The following SLC24A2 variants were observed in gnomAD, a reference collection of about 807,000 sequenced individuals.
SLC24A2 encodes sodium/potassium/calcium exchanger 2.
SLC24A2 carries 36 observed loss-of-function variants against 62.0 expected under a neutral mutation model. The ratio of observed to expected loss-of-function variants is 0.58; its 90% confidence interval spans 0.44 to 0.77. The LOEUF is 0.77. Among genes scored for constraint, SLC24A2 ranks in the 30% least tolerant of loss-of-function variants. The pLI is 0.00. For missense variants in SLC24A2, 846 were observed against 817.9 expected (o/e 1.03, Z -0.42); for synonymous variants, 358 against 294.0 (o/e 1.22, Z -2.23).
the SLC24A2 span, among the ~76,000 whole-genome samples, chr9:20,121,266 C>A: frequency 6.6e-6 from 1 of 151,586 alleles, no homozygotes; most frequent in Non-Finnish European, 1.5e-5. Flanking sequence ...GTATAGCTGT[C>A]ATTTACCTAG....
intron 8 of SLC24A2, among the ~76,000 whole-genome samples, chr9:19,540,375 T>G (rs1834190961): frequency 1.4e-5 from 2 of 146,250 alleles, no homozygotes; most frequent in African/African-American, 5.2e-5. Context: ...AGTGCTTCCT[T>G]CAGGAGCTCT....
rs979731275 is a variant in SLC24A2 at position 19,509,545 on chromosome 9, G to A, written c.*6608C>T. ...TGTCTCTTATGAAGTACTATAAAGTGCAATATTAAAAAATTAAAAAACCCA... is the reference window on the plus strand; with the variant it reads ...TGTCTCTTATGAAGTACTATAAAGTACAATATTAAAAAATTAAAAAACCCA... On this transcript the variant is annotated 3_prime_UTR_variant, in exon 11 of 11. Coordinates refer to ENST00000341998, the MANE Select transcript of SLC24A2 (RefSeq NM_020344.4). The A allele has an allele frequency of 2.6e-5, 4 of 152,046 alleles. No individual in the cohort carries two copies. Among genetic ancestry groups the A allele is most frequent in the African/African-American group, 9.7e-5 (4 of 41,398 alleles). 9.4% of individuals were successfully genotyped at this position (152,046 alleles called of 1,614,324 possible).
At chr9:20,098,405 T>C in the SLC24A2 span, among the ~76,000 whole-genome samples, 27 of 152,194 alleles carry the variant, frequency 1.8e-4, no homozygotes, top group African/African-American at 6.5e-4. Flanking sequence ...TTCAAAGAAA[T>C]AGAATCAAGA....
At chr9:19,928,700 A>G in the SLC24A2 span, 2 of 152,340 alleles carry the variant, frequency 1.3e-5, no homozygotes, top group East Asian at 3.9e-4. Flanking sequence ...TTTATAAGGT[A>G]GGCATTGCAC....
At chr9:19,693,677 CT>C (rs1387111557) in intron 2 of SLC24A2, among the ~76,000 whole-genome samples, 1 of 152,084 alleles carries the variant, frequency 6.6e-6, no homozygotes, top group Non-Finnish European at 1.5e-5. Context: ...CCTGTCCCTC[CT>C]AAAAGGTCAG....
chr9:20,236,865 G>A, the SLC24A2 span, among the ~76,000 whole-genome samples: 7 of 152,010 alleles, frequency 4.6e-5, no homozygotes, highest in Non-Finnish European at 8.8e-5. Context: ...TATCTGAAAG[G>A]TATGTGCCTG....
the SLC24A2 span, among the ~76,000 whole-genome samples, chr9:20,027,806 A>G: frequency 1.3e-5 from 2 of 152,228 alleles, no homozygotes; most frequent in Non-Finnish European, 2.9e-5. Flanking sequence ...CAGAAATGAT[A>G]ACTATGTGAG....
At chr9:20,166,453 A>G in the SLC24A2 span, among the ~76,000 whole-genome samples, 2 of 151,994 alleles carry the variant, frequency 1.3e-5, no homozygotes, top group African/African-American at 2.4e-5. Flanking sequence ...TATCAACAAC[A>G]TCTATTATGC....
chr9:20,118,311 A>T, the SLC24A2 span, among the ~76,000 whole-genome samples: 1 of 152,184 alleles, frequency 6.6e-6, no homozygotes, highest in Non-Finnish European at 1.5e-5. Flanking sequence ...TCAATCAGTC[A>T]TTGCATAGAA....
At chr9:20,136,956 G>C in the SLC24A2 span, among the ~76,000 whole-genome samples, 1 of 152,054 alleles carries the variant, frequency 6.6e-6, no homozygotes, top group South Asian at 2.1e-4. Flanking sequence ...AGTATGACTA[G>C]CAAAAAGGGT....
At chr9:19,679,929 G>C (rs925543694) in intron 2 of SLC24A2, among the ~76,000 whole-genome samples, 1 of 151,378 alleles carries the variant, frequency 6.6e-6, no homozygotes, top group Non-Finnish European at 1.5e-5. Flanking sequence ...TTTCTCTGGA[G>C]AACCCTAACC....
intron 2 of SLC24A2, among the ~76,000 whole-genome samples, chr9:19,704,931 C>T (rs1017509821): frequency 6.6e-6 from 1 of 151,656 alleles, no homozygotes; most frequent in East Asian, 1.9e-4. Context: ...AGTGGTATTA[C>T]TCTGAGTTCT....
chr9:19,917,355 T>C, the SLC24A2 span, among the ~76,000 whole-genome samples: 2 of 42,958 alleles, frequency 4.7e-5, no homozygotes, highest in Non-Finnish European at 1.2e-4. Context: ...TTTTGTGTGG[T>C]TTTTTTTTTT....
intron 5 of SLC24A2, among the ~76,000 whole-genome samples, chr9:19,596,636 T>C (rs969245518): frequency 6.6e-6 from 1 of 152,174 alleles, no homozygotes; most frequent in African/African-American, 2.4e-5. Flanking sequence ...CCTATCCTCA[T>C]GGAGTGGGAA....
the SLC24A2 span, among the ~76,000 whole-genome samples, chr9:20,210,460 A>G: frequency 6.4e-4 from 97 of 152,150 alleles, no homozygotes; most frequent in Middle Eastern, 6.8e-3. Context: ...ATCATCATGC[A>G]GAAGGCAGAA....
the SLC24A2 span, among the ~76,000 whole-genome samples, chr9:19,847,007 G>A: frequency 6.6e-6 from 1 of 152,152 alleles, no homozygotes; most frequent in East Asian, 1.9e-4. Context: ...GGGTGACAGA[G>A]CAAAATCCAG....
chr9:19,643,680 C>T (rs1246109973), intron 2 of SLC24A2, among the ~76,000 whole-genome samples: 4 of 152,148 alleles, frequency 2.6e-5, no homozygotes, highest in Non-Finnish European at 1.5e-5. Context: ...TATATTTACT[C>T]AAAATAACTA....
chr9:20,252,302 T>C, the SLC24A2 span, among the ~76,000 whole-genome samples: 1 of 152,214 alleles, frequency 6.6e-6, no homozygotes, highest in Non-Finnish European at 1.5e-5. Flanking sequence ...TAGTTTGTAT[T>C]GTACTTTCTG....
the SLC24A2 span, among the ~76,000 whole-genome samples, chr9:20,288,589 C>T: frequency 1.3e-5 from 2 of 151,794 alleles, no homozygotes; most frequent in African/African-American, 2.4e-5. Context: ...GCCAATATGG[C>T]GAAAACCTAT....
Sources: allele counts gnomAD v4.1 joint callset (sites outside exome capture counted in the v4.1 genomes callset), GRCh38; gene constraint gnomAD v4.1.1; transcripts MANE v1.5; gene names NCBI Gene and HGNC (gene_info 2026-07-23, HGNC 2026-07-21).